CSMD3: variants seen among roughly 807,000 people sequenced by gnomAD.
CSMD3 encodes the protein CUB and sushi domain-containing protein 3.
Under a neutral mutation model 435.2 loss-of-function variants are expected in CSMD3, and 177 were observed. That is an observed-to-expected ratio of 0.41 (90% CI 0.36 to 0.46). The LOEUF (loss-of-function observed/expected upper bound fraction) is 0.46. Among genes scored for constraint, CSMD3 ranks in the 20% least tolerant of loss-of-function variants. The probability of loss-of-function intolerance (pLI) is 0.34; values close to 1 mark genes in which losing one functional copy is unlikely to be tolerated. For missense variants in CSMD3, 4,265 were observed against 4,504.6 expected, an observed-to-expected ratio of 0.95 and a Z score of 1.52; for synonymous variants, 1,656 against 1,520.5, an observed-to-expected ratio of 1.09 and a Z score of -2.07.
intron 45 of CSMD3, among the ~76,000 whole-genome samples, chr8:112,332,248 G>T (rs992705465): frequency 1.3e-5 from 2 of 152,116 alleles, no homozygotes; most frequent in Non-Finnish European, 1.5e-5. Flanking sequence ...GGTAAAAAGA[G>T]TAAGTGTAAT....
chr8:113,184,103 G>T (rs934143711), intron 3 of CSMD3, among the ~76,000 whole-genome samples: 2 of 151,964 alleles, frequency 1.3e-5, no homozygotes, highest in Non-Finnish European at 2.9e-5. Flanking sequence ...AGAACTTAAG[G>T]ATTCACTTGC....
At chr8:112,559,943 A>G (rs999031721) in intron 24 of CSMD3, among the ~76,000 whole-genome samples, 2 of 151,770 alleles carry the variant, frequency 1.3e-5, no homozygotes, top group Non-Finnish European at 2.9e-5. Flanking sequence ...AAAATGCTGG[A>G]GAAAAAAAAC....
intron 5 of CSMD3, among the ~76,000 whole-genome samples, chr8:113,022,831 GGAAA>G (rs2086730569): frequency 1.3e-5 from 2 of 151,786 alleles, no homozygotes; most frequent in African/African-American, 2.4e-5. Flanking sequence ...TGTTTAATGA[GGAAA>G]GAAATACTGA....
At chr8:112,736,209 CAA>C (rs2077182197) in intron 13 of CSMD3, among the ~76,000 whole-genome samples, 1 of 152,052 alleles carries the variant, frequency 6.6e-6, no homozygotes. Context: ...ATTAGGCCCT[CAA>C]GTTTCCCCCG....
At chr8:113,422,876 G>A (rs1231222962) in intron 1 of CSMD3, among the ~76,000 whole-genome samples, 5 of 152,010 alleles carry the variant, frequency 3.3e-5, no homozygotes, top group Non-Finnish European at 7.4e-5. Context: ...ACTTTAAAGT[G>A]TAGATTATCC....
In CSMD3 at chr8:112,243,061, G is replaced by A. The variant is rs1814319055; in HGVS notation, c.10403-1276C>T. 2.0e-5 allele frequency among the ~76,000 whole-genome samples: 3 copies of A among 152,082 alleles called. No individual in the cohort carries two copies. The South Asian group carries it at 6.2e-4, about 32-fold the overall frequency. On this transcript the variant is annotated intron_variant, in intron 65 of 70. Coordinates refer to ENST00000297405, the MANE Select transcript of CSMD3 (RefSeq NM_198123.2). Reference sequence around the variant, plus strand: ...AATATTTATTGAATGCTTTTCACATGTAAGGTACTGATTTGTGTTAAAATT... The same window carrying A: ...AATATTTATTGAATGCTTTTCACATATAAGGTACTGATTTGTGTTAAAATT...
At chr8:113,315,413 G>T (rs532209631) in intron 1 of CSMD3, among the ~76,000 whole-genome samples, 1 of 152,004 alleles carries the variant, frequency 6.6e-6, no homozygotes, top group Admixed American at 6.6e-5. Context: ...GAATCCGAAG[G>T]TCAGGACAAA....
At chr8:112,640,963 T>C (rs938706359) in intron 20 of CSMD3, among the ~76,000 whole-genome samples, 7 of 152,182 alleles carry the variant, frequency 4.6e-5, no homozygotes, top group Admixed American at 3.3e-4. Flanking sequence ...AATGAATTAT[T>C]TTAGAATTTC....
chr8:112,656,847 T>C (rs2075269635), intron 17 of CSMD3, among the ~76,000 whole-genome samples: 1 of 151,966 alleles, frequency 6.6e-6, no homozygotes, highest in Non-Finnish European at 1.5e-5. Context: ...CCTTTAAACA[T>C]GTGATAAAGT....
intron 13 of CSMD3, among the ~76,000 whole-genome samples, chr8:112,796,416 C>A (rs1334785561): frequency 6.6e-6 from 1 of 152,002 alleles, no homozygotes; most frequent in Non-Finnish European, 1.5e-5. Flanking sequence ...TCAGTTTTCT[C>A]ATCTGTAAAA....
At chr8:113,414,457 AT>A (rs1394798599) in intron 1 of CSMD3, among the ~76,000 whole-genome samples, 1 of 151,972 alleles carries the variant, frequency 6.6e-6, no homozygotes, top group Non-Finnish European at 1.5e-5. Flanking sequence ...AGCCTGAATT[AT>A]TTTTCTCCTA....
chr8:112,734,988 T>C (rs929436063), intron 13 of CSMD3, among the ~76,000 whole-genome samples: 3 of 151,990 alleles, frequency 2.0e-5, no homozygotes, highest in South Asian at 2.1e-4. Flanking sequence ...GAAGAGCTCA[T>C]TGGACTATCT....
intron 13 of CSMD3, among the ~76,000 whole-genome samples, chr8:112,710,126 G>T (rs1284389888): frequency 1.3e-5 from 2 of 152,046 alleles, no homozygotes; most frequent in African/African-American, 2.4e-5. Context: ...ACTACCTCCT[G>T]CCATAAAGAT....
At chr8:112,735,143 TA>T (rs2077159258) in intron 13 of CSMD3, among the ~76,000 whole-genome samples, 2 of 151,990 alleles carry the variant, frequency 1.3e-5, no homozygotes, top group Admixed American at 1.3e-4. Flanking sequence ...AATGAAATAA[TA>T]AAAATAATGT....
chr8:113,306,300 T>C (rs1027090954), intron 2 of CSMD3, among the ~76,000 whole-genome samples: 2 of 152,136 alleles, frequency 1.3e-5, no homozygotes, highest in Admixed American at 6.6e-5. Context: ...ACACAAGGGT[T>C]GGTTCCAACT....
chr8:113,157,744 T>C (rs192988067), intron 4 of CSMD3, among the ~76,000 whole-genome samples: 1 of 152,218 alleles, frequency 6.6e-6, no homozygotes, highest in Non-Finnish European at 1.5e-5. Flanking sequence ...AGATATGTAT[T>C]ATAAGCACAG....
At position 112,255,377 on chromosome 8, in the gene CSMD3, T is replaced by G; in HGVS notation, c.9913A>C (p.Lys3305Gln). The change falls in exon 62 of 71, where the codon AAA becomes CAA. Residue 3305 changes from lysine (K) to glutamine (Q), a missense_variant. By Grantham distance (53) the Lys-to-Gln change is moderately conservative. Transcript: ENST00000297405. The part of the protein sequence containing the change: ...GIPAQGKREG[K>Q]SFIYQSEVSF... ...ACCTCTGACTGGTATATAAAGCTTT[T>G]GCCTTCTCTTTTTCCTTGGGCAGGT... The G allele has an allele frequency of 6.2e-7, 1 of 1,613,740 alleles. No homozygotes were observed. Among genetic ancestry groups the G allele is most frequent in the Non-Finnish European group, 8.5e-7 (1 of 1,179,774 alleles).
intron 25 of CSMD3, among the ~76,000 whole-genome samples, chr8:112,556,212 A>G (rs1828103790): frequency 6.6e-6 from 1 of 151,874 alleles, no homozygotes; most frequent in Non-Finnish European, 1.5e-5. Context: ...ACAAGATGGT[A>G]GGAATAAAAT....
chr8:112,593,291 TA>T lies in CSMD3; in HGVS notation c.3716-6057del, dbSNP rs538768999. ...GGAATGAATTGTAGTCTTGGGTTAC[TA>T]GAGGATGAAAACCCTAGAGAAGATT... On this transcript the variant is annotated intron_variant, in intron 22 of 70. Coordinates refer to ENST00000297405, the MANE Select transcript of CSMD3 (RefSeq NM_198123.2). Among the ~76,000 whole-genome samples the T allele has an allele frequency of 1.7e-3, 261 of 152,268 alleles. 3 individuals carry two copies. Among genetic ancestry groups the T allele is most frequent in the African/African-American group, 6.0e-3 (251 of 41,548 alleles).
Sources: allele counts gnomAD v4.1 joint callset (sites outside exome capture counted in the v4.1 genomes callset), GRCh38; gene constraint gnomAD v4.1.1; transcripts MANE v1.5; gene names NCBI Gene and HGNC (gene_info 2026-07-23, HGNC 2026-07-21).